Variants in TENM3 observed in about 807,000 individuals in gnomAD.
TENM3 encodes teneurin-3.
In TENM3, 63 loss-of-function variants were observed where a neutral mutation model predicts 255.1. That is an observed-to-expected ratio of 0.25 (90% CI 0.20 to 0.30). The LOEUF (loss-of-function observed/expected upper bound fraction) is 0.30, where lower values mean the gene tolerates loss of function less well. Ranked by LOEUF, TENM3 falls within the 10% of genes least tolerant of loss-of-function variation. TENM3 has a pLI of 1.00. For missense variants in TENM3, 2,929 were observed against 3,461.1 expected (o/e 0.85, Z 3.86); for synonymous variants, 1,306 against 1,322.3 (o/e 0.99, Z 0.27).
At chr4:181,941,860 A>G in the TENM3 span, among the ~76,000 whole-genome samples, 2 of 152,206 alleles carry the variant, frequency 1.3e-5, no homozygotes, top group Non-Finnish European at 2.9e-5. Flanking sequence ...ATGAATTGGA[A>G]TGAGATTGTC....
chr4:181,655,432 A>G, the TENM3 span, among the ~76,000 whole-genome samples: 34 of 152,334 alleles, frequency 2.2e-4, no homozygotes, highest in African/African-American at 7.9e-4. Flanking sequence ...ACAAAGCTGT[A>G]CTGAGGATCT....
chr4:182,529,422 T>C (rs1035678055), intron 3 of TENM3, among the ~76,000 whole-genome samples: 6 of 152,214 alleles, frequency 3.9e-5, no homozygotes, highest in African/African-American at 1.4e-4. Context: ...CAGGGTATAA[T>C]AGAGATAATC....
At chr4:182,139,746 T>C (rs1266930786), upstream of TENM3, among the ~76,000 whole-genome samples, 1 of 152,198 alleles carries the variant, frequency 6.6e-6, no homozygotes. Flanking sequence ...CTGGGGTCTT[T>C]TATGAGGCTC....
the TENM3 span, among the ~76,000 whole-genome samples, chr4:182,116,361 G>C: frequency 6.8e-6 from 1 of 146,066 alleles, no homozygotes; most frequent in Non-Finnish European, 1.5e-5. Flanking sequence ...TGGTTTGGCT[G>C]TGTCCCCACC....
chr4:182,072,195 T>TTGA, the TENM3 span, among the ~76,000 whole-genome samples: 2 of 152,220 alleles, frequency 1.3e-5, no homozygotes, highest in Non-Finnish European at 2.9e-5. Flanking sequence ...AAGGACTATC[T>TTGA]GGAGTATTTT....
intron 3 of TENM3, among the ~76,000 whole-genome samples, chr4:182,354,968 T>C (rs567070566): frequency 6.6e-6 from 1 of 152,186 alleles, no homozygotes; most frequent in African/African-American, 2.4e-5. Context: ...AAAACAAAAA[T>C]GAGTAAGATG....
Position 182,712,503 on chromosome 4 carries a change from A to G in TENM3, c.2222-1584A>G, listed in dbSNP as rs1203754023. 3.9e-5 allele frequency among the ~76,000 whole-genome samples: 6 copies of G among 152,202 alleles called. No individual in the cohort carries two copies. In the East Asian group the frequency reaches 1.2e-3, roughly 29 times the overall value. On this transcript the variant is annotated intron_variant, in intron 12 of 27. Transcript: ENST00000511685. ...TTTATTGAATAATCCATAAATACAG[A>G]CGGTAATTGTCTGAGCGAAAAGAAG...
At chr4:181,927,518 C>T in the TENM3 span, among the ~76,000 whole-genome samples, 6 of 152,230 alleles carry the variant, frequency 3.9e-5, no homozygotes, top group Non-Finnish European at 7.3e-5. Context: ...AGGCAGCAGC[C>T]CCAGTCAGGG....
At chr4:181,605,527 A>AAAGG in the TENM3 span, among the ~76,000 whole-genome samples, 1 of 22,714 alleles carries the variant, frequency 4.4e-5, no homozygotes, top group South Asian at 2.3e-3. Context: ...AGAAAGAAAG[A>AAAGG]AAGAAAGAAA....
At chr4:181,492,478 A>T in the TENM3 span, among the ~76,000 whole-genome samples, 1 of 152,230 alleles carries the variant, frequency 6.6e-6, no homozygotes. Flanking sequence ...ACAGAATGAA[A>T]TTAGAAAGAA....
the TENM3 span, among the ~76,000 whole-genome samples, chr4:181,729,908 A>G: frequency 6.6e-6 from 1 of 152,212 alleles, no homozygotes; most frequent in Non-Finnish European, 1.5e-5. Context: ...GAAGCTGGAA[A>G]ATTATTTTCT....
At chr4:181,950,999 G>A in the TENM3 span, among the ~76,000 whole-genome samples, 5 of 152,242 alleles carry the variant, frequency 3.3e-5, no homozygotes, top group South Asian at 2.1e-4. Context: ...CCATGATCAC[G>A]CCACTGCACT....
chr4:182,354,826 G>T (rs1765417093), intron 3 of TENM3, among the ~76,000 whole-genome samples: 1 of 152,152 alleles, frequency 6.6e-6, no homozygotes, highest in Non-Finnish European at 1.5e-5. Flanking sequence ...GATGACTATT[G>T]CCTTGACTTT....
the TENM3 span, among the ~76,000 whole-genome samples, chr4:181,822,392 G>A: frequency 6.6e-6 from 1 of 152,188 alleles, no homozygotes; most frequent in Non-Finnish European, 1.5e-5. Flanking sequence ...TTTGCCGTAA[G>A]AGTCACAAAA....
At chr4:181,605,226 A>C in the TENM3 span, among the ~76,000 whole-genome samples, 1 of 151,884 alleles carries the variant, frequency 6.6e-6, no homozygotes, top group Non-Finnish European at 1.5e-5. Context: ...TGGGTGGATC[A>C]CGAGGTTAGG....
At chr4:182,386,266 G>C (rs973905902) in intron 3 of TENM3, among the ~76,000 whole-genome samples, 1 of 152,188 alleles carries the variant, frequency 6.6e-6, no homozygotes, top group Non-Finnish European at 1.5e-5. Flanking sequence ...TCCCACAAAA[G>C]GGATTCTCAC....
At chr4:181,644,528 C>G in the TENM3 span, among the ~76,000 whole-genome samples, 1 of 152,034 alleles carries the variant, frequency 6.6e-6, no homozygotes, top group Non-Finnish European at 1.5e-5. Flanking sequence ...TCTTGTCTTT[C>G]TCTGCTTTCT....
chr4:182,009,747 T>A, the TENM3 span, among the ~76,000 whole-genome samples: 1 of 152,310 alleles, frequency 6.6e-6, no homozygotes, highest in African/African-American at 2.4e-5. Context: ...CCCCTCCCCC[T>A]GGGAGTTCGG....
chr4:181,677,349 C>G, the TENM3 span, among the ~76,000 whole-genome samples: 3 of 152,104 alleles, frequency 2.0e-5, no homozygotes, highest in African/African-American at 7.2e-5. Flanking sequence ...TGGTCTTCCT[C>G]CACCCCCTGC....
Sources: allele counts gnomAD v4.1 joint callset (sites outside exome capture counted in the v4.1 genomes callset), GRCh38; gene constraint gnomAD v4.1.1; transcripts MANE v1.5; gene names NCBI Gene and HGNC (gene_info 2026-07-23, HGNC 2026-07-21).